HS6ST2: variants seen among roughly 807,000 people sequenced by gnomAD.
The protein encoded by HS6ST2 is heparan sulfate 6-O-sulfotransferase 2.
Under a neutral mutation model 33.0 loss-of-function variants are expected in HS6ST2, and 17 were observed. That is an observed-to-expected ratio of 0.52 (90% CI 0.35 to 0.77). The LOEUF is 0.77. HS6ST2 is among the 30% of genes least tolerant of loss of function. The pLI is 0.01. For synonymous variants in HS6ST2, 248 were observed against 237.1 expected (o/e 1.05, Z -0.42); for missense variants, 519 against 551.7 (o/e 0.94, Z 0.59).
intron 2 of HS6ST2, among the ~76,000 whole-genome samples, chrX:132,933,604 A>C (rs1398558422): frequency 1.8e-5 from 2 of 111,720 alleles, no homozygotes; most frequent in Non-Finnish European, 3.8e-5. Context: ...AAATTAATCT[A>C]CACGTGCAAG....
At chrX:132,880,068 C>A (rs928404400) in intron 2 of HS6ST2, among the ~76,000 whole-genome samples, 8 of 111,829 alleles carry the variant, frequency 7.2e-5, no homozygotes, top group African/African-American at 2.6e-4. Context: ...TGGCATCCAA[C>A]TTCTGCTGGA....
intron 2 of HS6ST2, among the ~76,000 whole-genome samples, chrX:132,952,761 C>A (rs1347824534): frequency 9.0e-6 from 1 of 111,387 alleles, no homozygotes; most frequent in African/African-American, 3.3e-5. Context: ...CTGCTCCCAT[C>A]CTGCTCAGCT....
chrX:132,758,978 C>T, intron 2 of HS6ST2, among the ~76,000 whole-genome samples: 1 of 111,692 alleles, frequency 9.0e-6, no homozygotes, highest in African/African-American at 3.3e-5. Flanking sequence ...AGCTGGGCCC[C>T]TCCAACCTGG....
intron 2 of HS6ST2, among the ~76,000 whole-genome samples, chrX:132,848,009 T>C (rs1022611217): frequency 3.6e-5 from 4 of 112,275 alleles, no homozygotes; most frequent in Non-Finnish European, 7.5e-5. Context: ...GACTTGGTTG[T>C]AGAAACAGCT....
At chrX:132,745,082 GT>G (rs1223566392) in intron 2 of HS6ST2, among the ~76,000 whole-genome samples, 1 of 111,266 alleles carries the variant, frequency 9.0e-6, no homozygotes, top group East Asian at 2.8e-4. Flanking sequence ...ATATCCACAG[GT>G]TTTTTTATTA....
chrX:132,721,963 C>T (rs1290401018), intron 2 of HS6ST2, among the ~76,000 whole-genome samples: 7 of 110,152 alleles, frequency 6.4e-5, no homozygotes, highest in East Asian at 2.9e-4. Context: ...CCGAGACGGG[C>T]GGATCACGAG....
chrX:132,741,286 T>C (rs2064573746), intron 2 of HS6ST2, among the ~76,000 whole-genome samples: 1 of 108,243 alleles, frequency 9.2e-6, no homozygotes, highest in Non-Finnish European at 1.9e-5. Flanking sequence ...ACAGCACGGG[T>C]TTTGTTTTTG....
chrX:132,748,769 A>G (rs1158006235), intron 2 of HS6ST2, among the ~76,000 whole-genome samples: 1 of 110,660 alleles, frequency 9.0e-6, no homozygotes, highest in African/African-American at 3.3e-5. Flanking sequence ...CATGCAGATG[A>G]TTTATTATTA....
chrX:132,837,323 C>G (rs1335467791), intron 2 of HS6ST2, among the ~76,000 whole-genome samples: 1 of 87,917 alleles, frequency 1.1e-5, no homozygotes, highest in Non-Finnish European at 2.2e-5. Context: ...TCCAGGAAAA[C>G]AGTATAGCCG....
At chrX:132,707,155 G>A (rs1324872485) in intron 3 of HS6ST2, among the ~76,000 whole-genome samples, 1 of 112,370 alleles carries the variant, frequency 8.9e-6, no homozygotes, top group Non-Finnish European at 1.9e-5. Context: ...TGGTACCTAT[G>A]TTATTGACCA....
intron 3 of HS6ST2, among the ~76,000 whole-genome samples, chrX:132,706,923 C>T (rs1466178091): frequency 4.5e-5 from 5 of 111,974 alleles, no homozygotes; most frequent in Non-Finnish European, 7.5e-5. Context: ...ATCTCACCAT[C>T]TGTACTCCTC....
chrX:132,939,880 G>A (rs1356810788), intron 2 of HS6ST2, among the ~76,000 whole-genome samples: 1 of 111,298 alleles, frequency 9.0e-6, no homozygotes, highest in Admixed American at 9.6e-5. Context: ...CCCCAAAATT[G>A]ATCTACAGAT....
chrX:132,951,400 G>A (rs2067014835), intron 2 of HS6ST2, among the ~76,000 whole-genome samples: 1 of 110,766 alleles, frequency 9.0e-6, no homozygotes, highest in Non-Finnish European at 1.9e-5. Context: ...TGAGGACTCC[G>A]TGCCCACCCA....
intron 4 of HS6ST2, among the ~76,000 whole-genome samples, chrX:132,666,065 C>T (rs1395307528): frequency 1.8e-5 from 2 of 112,077 alleles, no homozygotes; most frequent in African/African-American, 6.5e-5. Flanking sequence ...TTAGCTTTGA[C>T]CTAATCCACA....
intron 2 of HS6ST2, among the ~76,000 whole-genome samples, chrX:132,873,107 AAAT>A (rs766732145): frequency 8.9e-6 from 1 of 112,048 alleles, no homozygotes; most frequent in South Asian, 3.8e-4. Context: ...GTAAACACTG[AAAT>A]ATGTAACATG....
chrX:132,793,396 G>C (rs935801965), intron 2 of HS6ST2, among the ~76,000 whole-genome samples: 1 of 110,980 alleles, frequency 9.0e-6, no homozygotes, highest in Non-Finnish European at 1.9e-5. Flanking sequence ...CCCTGTGCTA[G>C]ATGCTGGGCT....
chrX:132,894,264 C>A (rs2066347833), intron 2 of HS6ST2, among the ~76,000 whole-genome samples: 1 of 59,611 alleles, frequency 1.7e-5, no homozygotes, highest in Non-Finnish European at 3.0e-5. Context: ...ACCTCAGCCT[C>A]CTGAGTAGCT....
chrX:132,833,910 G>A (rs941223535), intron 2 of HS6ST2, among the ~76,000 whole-genome samples: 6 of 110,740 alleles, frequency 5.4e-5, no homozygotes, highest in Non-Finnish European at 1.1e-4. Flanking sequence ...GATAATGACC[G>A]CTGTTAAGGA....
At chrX:132,942,621 C>T (rs1020107860) in intron 2 of HS6ST2, among the ~76,000 whole-genome samples, 2 of 111,953 alleles carry the variant, frequency 1.8e-5, no homozygotes, top group Non-Finnish European at 3.8e-5. Flanking sequence ...TCATCTAGGA[C>T]TCCTCCCTTG....
Sources: gnomAD v4.1 joint callset for allele counts (sites outside exome capture counted in the v4.1 genomes callset) on GRCh38, gnomAD v4.1.1 for gene constraint, MANE v1.5 for transcripts, NCBI Gene and HGNC (gene_info 2026-07-23, HGNC 2026-07-21) for gene names.